The following WWOX variants were observed in gnomAD, a reference collection of about 807,000 sequenced individuals.
WWOX encodes WW domain-containing oxidoreductase.
WWOX carries 69 observed loss-of-function variants against 46.2 expected under a neutral mutation model. The ratio of observed to expected loss-of-function variants is 1.49; its 90% confidence interval spans 1.23 to 1.82. WWOX has a LOEUF of 1.82. Among genes scored for constraint, WWOX ranks in the 40% most tolerant of loss-of-function variants. The pLI is 0.00. For synonymous variants in WWOX, 359 were observed against 202.6 expected (o/e 1.77, Z -6.56); for missense variants, 919 against 542.6 (o/e 1.69, Z -6.89).
At position 78,694,875 on chromosome 16, in the gene WWOX, C is replaced by T. The variant is rs984055402; in HGVS notation, c.1056+262123C>T. Among the ~76,000 whole-genome samples the T allele has an allele frequency of 7.9e-5, 12 of 151,910 alleles. 1 individual carries two copies. The highest frequency in any genetic ancestry group is 2.7e-4 in the African/African-American group (11 of 41,320). ...TATGTATCTTTACATCTGCTTCCTGCACTTTCTAAATGGCCTACTTAAACC... is the reference window on the plus strand; with the variant it reads ...TATGTATCTTTACATCTGCTTCCTGTACTTTCTAAATGGCCTACTTAAACC... On this transcript the variant is annotated intron_variant, in intron 8 of 8. Coordinates refer to ENST00000566780, the MANE Select transcript of WWOX (RefSeq NM_016373.4).
At chr16:78,673,626 A>T (rs2047518917) in intron 8 of WWOX, among the ~76,000 whole-genome samples, 2 of 152,226 alleles carry the variant, frequency 1.3e-5, no homozygotes, top group South Asian at 4.1e-4. Flanking sequence ...AAAAGAAAAT[A>T]TTAAGATAAA....
intron 8 of WWOX, among the ~76,000 whole-genome samples, chr16:78,677,309 A>C (rs1262516209): frequency 1.3e-5 from 2 of 152,206 alleles, no homozygotes; most frequent in East Asian, 3.9e-4. Flanking sequence ...CTCATTACGT[A>C]CACTCTGCCA....
chr16:78,110,410 ATATAT>A (rs1312294512), intron 3 of WWOX, among the ~76,000 whole-genome samples: 3 of 151,818 alleles, frequency 2.0e-5, no homozygotes, highest in Non-Finnish European at 2.9e-5. Flanking sequence ...TTTCCATGTA[ATATAT>A]TATGAGCATT....
At chr16:78,569,002 G>T (rs1597281905) in intron 8 of WWOX, among the ~76,000 whole-genome samples, 1 of 152,288 alleles carries the variant, frequency 6.6e-6, no homozygotes, top group East Asian at 1.9e-4. Context: ...CCCAGATAGT[G>T]CTGTTAGGCA....
chr16:78,884,106 C>G (rs1203807087), intron 8 of WWOX, among the ~76,000 whole-genome samples: 2 of 151,788 alleles, frequency 1.3e-5, no homozygotes, highest in African/African-American at 2.4e-5. Flanking sequence ...TGGTGAAACC[C>G]TGTCTCTACA....
chr16:78,444,168 T>A (rs570358146), intron 8 of WWOX, among the ~76,000 whole-genome samples: 10 of 152,330 alleles, frequency 6.6e-5, no homozygotes, highest in Admixed American at 3.9e-4. Flanking sequence ...GCTGAGCACA[T>A]GTTCCCAGCT....
chr16:78,996,748 T>G (rs2046997965), intron 8 of WWOX, among the ~76,000 whole-genome samples: 2 of 152,058 alleles, frequency 1.3e-5, no homozygotes, highest in African/African-American at 2.4e-5. Flanking sequence ...GCTCTGCAAT[T>G]CTCCCAACTG....
chr16:78,606,347 C>T (rs1355879512), intron 8 of WWOX, among the ~76,000 whole-genome samples: 2 of 151,746 alleles, frequency 1.3e-5, no homozygotes, highest in African/African-American at 4.8e-5. Context: ...ATGCTATTTA[C>T]TATTAATGTA....
chr16:78,857,151 A>G (rs1394144795), intron 8 of WWOX, among the ~76,000 whole-genome samples: 1 of 152,250 alleles, frequency 6.6e-6, no homozygotes, highest in Non-Finnish European at 1.5e-5. Context: ...TTTATCTCAC[A>G]TATGCAAAGA....
rs181025028 is a variant in WWOX, at chr16:78,547,202, G to A, written c.1056+114450G>A. 3.4e-4 allele frequency among the ~76,000 whole-genome samples: 50 copies of A among 148,556 alleles called. No individual in the cohort carries two copies. The East Asian group carries it at 4.0e-3, about 12-fold the overall frequency. On this transcript the variant is annotated intron_variant, in intron 8 of 8. Transcript: ENST00000566780. ...GGAATGTCTGCCAGTTTCAACCCACGGGGATAGGGTGAGATGAACATTGAT... is the reference window on the plus strand; with the variant it reads ...GGAATGTCTGCCAGTTTCAACCCACAGGGATAGGGTGAGATGAACATTGAT...
At chr16:78,922,380 A>T (rs1185924893) in intron 8 of WWOX, among the ~76,000 whole-genome samples, 1 of 137,494 alleles carries the variant, frequency 7.3e-6, no homozygotes, top group Non-Finnish European at 1.6e-5. Flanking sequence ...TATTTCAGTG[A>T]TTTTTTTTTT....
chr16:78,857,988 C>T (rs982731378), intron 8 of WWOX, among the ~76,000 whole-genome samples: 1 of 152,044 alleles, frequency 6.6e-6, no homozygotes, highest in African/African-American at 2.4e-5. Context: ...TGTGTGCATA[C>T]ATATTTATTT....
chr16:78,152,145 G>C (rs920104460), intron 4 of WWOX, among the ~76,000 whole-genome samples: 8 of 151,464 alleles, frequency 5.3e-5, no homozygotes, highest in Admixed American at 4.6e-4. Flanking sequence ...AGCCGAGATC[G>C]CGCCACTGCA....
chr16:78,544,466 G>C (rs529766189), intron 8 of WWOX, among the ~76,000 whole-genome samples: 1 of 152,320 alleles, frequency 6.6e-6, no homozygotes, highest in African/African-American at 2.4e-5. Flanking sequence ...GGCTGACTGA[G>C]TTAAATGAAT....
Position 78,989,821 on chromosome 16 carries a change from C to CGTGTGTTTGTGTGT in WWOX, c.1057-221781_1057-221780insTTGTGTGTGTGTGT, listed in dbSNP as rs34409137. Among the ~76,000 whole-genome samples the CGTGTGTTTGTGTGT allele has an allele frequency of 4.1e-3, 560 of 136,498 alleles. 4 individuals carry two copies. Among genetic ancestry groups the CGTGTGTTTGTGTGT allele is most frequent in the African/African-American group, 0.01 (380 of 36,474 alleles). 89.5% of individuals were successfully genotyped at this position (136,498 alleles called of 152,430 possible). A position where few individuals can be genotyped will look rare whatever the true frequency, so the allele number is the denominator to read the frequency against. ...AAGTGAGACAGAGGTGGTGTGTGAG[C>CGTGTGTTTGTGTGT]GTGTGTGTGTGTGTGTGTGTGTGTG... On this transcript the variant is annotated intron_variant, in intron 8 of 8. Transcript: ENST00000566780.
chr16:78,505,285 C>T (rs544427530), intron 8 of WWOX, among the ~76,000 whole-genome samples: 2 of 152,290 alleles, frequency 1.3e-5, no homozygotes, highest in African/African-American at 4.8e-5. Flanking sequence ...TTATTTCATA[C>T]TGAGTTAATA....
At chr16:78,987,064 C>G (rs1172137543) in intron 8 of WWOX, among the ~76,000 whole-genome samples, 2 of 152,118 alleles carry the variant, frequency 1.3e-5, no homozygotes, top group Non-Finnish European at 2.9e-5. Context: ...GACACAGCGC[C>G]ATGGTTATTT....
chr16:78,804,353 T>A (rs2142671889), intron 8 of WWOX, among the ~76,000 whole-genome samples: 1 of 151,878 alleles, frequency 6.6e-6, no homozygotes. Flanking sequence ...TGACTTTGAC[T>A]TTTGCTCGGC....
intron 8 of WWOX, among the ~76,000 whole-genome samples, chr16:78,564,466 C>G (rs2044515347): frequency 6.6e-6 from 1 of 152,086 alleles, no homozygotes; most frequent in South Asian, 2.1e-4. Flanking sequence ...ATTGAAGATC[C>G]TTGAAAATCT....
Sources: allele counts gnomAD v4.1 joint callset (sites outside exome capture counted in the v4.1 genomes callset), GRCh38; gene constraint gnomAD v4.1.1; transcripts MANE v1.5; gene names NCBI Gene and HGNC (gene_info 2026-07-23, HGNC 2026-07-21).